ARFGEF1: variants seen among roughly 807,000 people sequenced by gnomAD.
ARFGEF1 encodes the protein brefeldin A-inhibited guanine nucleotide-exchange protein 1.
A neutral mutation model predicts 231.0 loss-of-function variants in ARFGEF1; 42 were observed. The ratio of observed to expected loss-of-function variants is 0.18; its 90% CI spans 0.14 to 0.24. ARFGEF1 has a LOEUF of 0.24. ARFGEF1 is among the 10% of genes least tolerant of loss of function. The pLI is 1.00. For missense variants in ARFGEF1, 1,345 were observed against 2,192.0 expected, an observed-to-expected ratio of 0.61 and a Z score of 7.72; for synonymous variants, 710 against 732.3, an observed-to-expected ratio of 0.97 and a Z score of 0.49.
rs528245545 is a variant in ARFGEF1, at chr8:67,302,897, C to G, written c.125-431G>C. Among the ~76,000 whole-genome samples the G allele has an allele frequency of 4.6e-3, 628 of 137,306 alleles. 8 individuals are homozygous for G. The highest frequency in any genetic ancestry group is 0.016 in the African/African-American group (565 of 35,498). The allele number at this position is 137,306 out of a possible 152,430, so 90.1% of individuals were successfully genotyped here. ...TGAGATCAGCCTGGGCAACAAAGAC[C>G]CCATCTCTTAAAAAAAAAAAAAAAA... On this transcript the variant is annotated intron_variant, in intron 1 of 38. Transcript: ENST00000262215.
chr8:67,258,431 T>A, intron 15 of ARFGEF1, 141 bp from the exon 16 acceptor site: 1 of 598,038 alleles, frequency 1.7e-6, no homozygotes, highest in Non-Finnish European at 2.9e-6. Context: ...TTCAAGCGAT[T>A]CTCCTGCCTC....
rs938803212 is a variant in ARFGEF1 at position 67,314,871 on chromosome 8, T to TA, written c.125-12406dup. Among the ~76,000 whole-genome samples, 7 of 152,034 alleles carry TA rather than the reference T, an allele frequency of 4.6e-5. No individual in the cohort carries two copies. The East Asian group carries it at 1.2e-3, about 25-fold the overall frequency. ...GCAACGTAGCAGGACCCCAACTCTA[T>TA]AAAAAAATTTAAAAATTAGCTGGGT... On this transcript the variant is annotated intron_variant, in intron 1 of 38. Transcript: ENST00000262215.
chr8:67,232,636 A>G (rs1012180414), intron 23 of ARFGEF1, among the ~76,000 whole-genome samples: 1 of 152,030 alleles, frequency 6.6e-6, no homozygotes, highest in African/African-American at 2.4e-5. Flanking sequence ...TATCTATTGT[A>G]ACTTAAATTT....
chr8:67,257,006 G>A (rs1840476521), intron 17 of ARFGEF1, among the ~76,000 whole-genome samples: 1 of 152,180 alleles, frequency 6.6e-6, no homozygotes, highest in Non-Finnish European at 1.5e-5. Context: ...CCGGCCATAA[G>A]TTGATAACTG....
intron 1 of ARFGEF1, among the ~76,000 whole-genome samples, 193 bp from the exon 2 acceptor site, chr8:67,302,659 T>C (rs892061269): frequency 2.0e-5 from 3 of 152,184 alleles, no homozygotes; most frequent in Admixed American, 6.5e-5. Flanking sequence ...ACTATATGAA[T>C]AGGTACATTA....
At chr8:67,336,612 G>C (rs768615573) in intron 1 of ARFGEF1, among the ~76,000 whole-genome samples, 1 of 152,098 alleles carries the variant, frequency 6.6e-6, no homozygotes, top group Admixed American at 6.5e-5. Context: ...AACTGATCTC[G>C]TCTCCATTTT....
Position 67,204,748 on chromosome 8 carries a change from T to C in ARFGEF1, c.4891A>G (p.Ile1631Val), listed in dbSNP as rs1192023379. 1.2e-6 allele frequency: 2 copies of C among 1,614,032 alleles called. No homozygotes were observed. Among genetic ancestry groups the C allele is most frequent in the Non-Finnish European group, 1.7e-6 (2 of 1,179,966 alleles). The change falls in exon 35 of 39, where the codon ATC (isoleucine) becomes GTC (valine). Residue 1631 changes from isoleucine (I) to valine (V), a missense_variant. This residue lies in a region of ARFGEF1 where 161 missense variants were observed against 284.9 expected (regional missense o/e 0.57). Transcript: ENST00000262215. ...CVVQLELIQT[I>V]DNIVFFPATS... ...GCTGGGAAGAAGACAATGTTGTCGATAGTCTGGATGAGTTCCAGCTGCACA... is the reference window on the plus strand; with the variant it reads ...GCTGGGAAGAAGACAATGTTGTCGACAGTCTGGATGAGTTCCAGCTGCACA...
In ARFGEF1 at chr8:67,228,147, C is replaced by T; in HGVS notation, c.3422-15G>A. ...GACAAAATCCACTGTAATATAAATA[C>T]ATTTTTTTTTTAGCTCAACATTAAA... On this transcript the variant is annotated splice_polypyrimidine_tract_variant and intron_variant, in intron 24 of 38. Coordinates refer to ENST00000262215, the MANE Select transcript of ARFGEF1 (RefSeq NM_006421.5). 1.9e-6 allele frequency: 3 copies of T among 1,608,450 alleles called. No individual in the cohort carries two copies. Among genetic ancestry groups the T allele is most frequent in the Non-Finnish European group, 2.5e-6 (3 of 1,178,036 alleles).
At chr8:67,211,434 C>T (rs545138964) in intron 34 of ARFGEF1, 49 bp downstream of exon 34, 33 of 1,427,726 alleles carry the variant, frequency 2.3e-5, no homozygotes, top group South Asian at 1.0e-4. Context: ...AATGTTAACC[C>T]TTTCCTACAT....
rs142381896 is a variant in ARFGEF1 at position 67,204,184 on chromosome 8, TTCTCTC to T, written c.4959+490_4959+495del. 3.9e-5 allele frequency among the ~76,000 whole-genome samples: 6 copies of T among 151,968 alleles called. No individual in the cohort carries two copies. The East Asian group carries it at 1.2e-3, about 29-fold the overall frequency. The stretch of plus-strand genomic sequence containing the variant: ...GTACTGGCTGAGTCCACATTCTCTC[TTCTCTC>T]TCTCTCTCCCCATTATAATTATGCT... On this transcript the variant is annotated intron_variant, in intron 35 of 38. Coordinates refer to ENST00000262215, the MANE Select transcript of ARFGEF1 (RefSeq NM_006421.5).
At chr8:67,306,793 T>G (rs1806766876) in intron 1 of ARFGEF1, among the ~76,000 whole-genome samples, 1 of 152,254 alleles carries the variant, frequency 6.6e-6, no homozygotes, top group African/African-American at 2.4e-5. Flanking sequence ...CTTTCCTTTT[T>G]TTCAGACAGA....
intron 19 of ARFGEF1, among the ~76,000 whole-genome samples, chr8:67,241,840 C>A (rs540023542): frequency 6.6e-6 from 1 of 152,140 alleles, no homozygotes; most frequent in Non-Finnish European, 1.5e-5. Context: ...TAAATCCCAA[C>A]GCCATCCCTC....
At chr8:67,294,432 G>A (rs547497534) in intron 5 of ARFGEF1, among the ~76,000 whole-genome samples, 9 of 152,194 alleles carry the variant, frequency 5.9e-5, no homozygotes, top group African/African-American at 2.2e-4. Context: ...TAAGTAACTA[G>A]AAAATAATAT....
chr8:67,232,322 T>C (rs1839579737), intron 23 of ARFGEF1, among the ~76,000 whole-genome samples: 1 of 152,058 alleles, frequency 6.6e-6, no homozygotes, highest in Admixed American at 6.6e-5. Flanking sequence ...ATTTTAAAAT[T>C]GGAAATATTC....
At chr8:67,179,967 T>C in intron 5 of ARFGEF1, 2 of 1,163,162 alleles carry the variant, frequency 1.7e-6, no homozygotes, top group South Asian at 1.3e-5. Flanking sequence ...TGTTTAAATA[T>C]TAAACCTTTC....
At chr8:67,330,375 TTACC>T (rs1808045629) in intron 1 of ARFGEF1, among the ~76,000 whole-genome samples, 1 of 152,082 alleles carries the variant, frequency 6.6e-6, no homozygotes, top group Non-Finnish European at 1.5e-5. Context: ...TCCTTCTACT[TTACC>T]ACTCAAGGAA....
intron 28 of ARFGEF1, among the ~76,000 whole-genome samples, chr8:67,225,330 T>C (rs968678107): frequency 2.6e-5 from 4 of 152,164 alleles, no homozygotes; most frequent in Non-Finnish European, 5.9e-5. Flanking sequence ...TTTCCATTTT[T>C]ATCACTTAAA....
At position 67,238,888 on chromosome 8, in the gene ARFGEF1, C is replaced by T. The variant is rs1839845271; in HGVS notation, c.2985G>A (p.Glu995=). 6.2e-7 allele frequency: 1 copy of T among 1,612,784 alleles called. No individual in the cohort carries two copies. The part of the protein sequence containing the change: ...RIACIFSIQL[E]RDAYVQALAR... ...CTAGTGCCTGGACATATGCATCTCT[C>T]TCCAGCTATAAAAAAGAGAAAAGTA... Residue 995 remains glutamate (E), a synonymous_variant, in exon 21 of 39, where the codon GAG becomes GAA. Coordinates refer to ENST00000262215, the MANE Select transcript of ARFGEF1 (RefSeq NM_006421.5).
intron 13 of ARFGEF1, among the ~76,000 whole-genome samples, 175 bp downstream of exon 13, chr8:67,266,701 A>C (rs925228333): frequency 6.6e-6 from 1 of 152,232 alleles, no homozygotes; most frequent in Admixed American, 6.5e-5. Flanking sequence ...AGTTTGGATA[A>C]CTAAGTTAAA....
Sources: allele counts gnomAD v4.1 joint callset (sites outside exome capture counted in the v4.1 genomes callset), GRCh38; gene constraint gnomAD v4.1.1; regional missense constraint gnomAD v4.1.1; transcripts MANE v1.5; gene names NCBI Gene and HGNC (gene_info 2026-07-23, HGNC 2026-07-21).